Variants in BCAS3 observed in about 807,000 individuals in gnomAD.
The protein encoded by BCAS3 is BCAS3 microtubule associated cell migration factor.
BCAS3 carries 53 observed loss-of-function variants against 116.1 expected under a neutral mutation model. The ratio of observed to expected loss-of-function variants is 0.46; its 90% CI spans 0.37 to 0.57. The LOEUF (loss-of-function observed/expected upper bound fraction) is 0.57. Among genes scored for constraint, BCAS3 ranks in the 20% least tolerant of loss-of-function variants. The pLI is 0.00. For missense variants in BCAS3, 917 were observed against 1,165.4 expected, an observed-to-expected ratio of 0.79 and a Z score of 3.10; for synonymous variants, 391 against 408.2, an observed-to-expected ratio of 0.96 and a Z score of 0.51.
intron 22 of BCAS3, among the ~76,000 whole-genome samples, chr17:61,109,184 CA>C (rs4011679): frequency 0.02 from 1,144 of 57,470 alleles, 6 homozygotes; most frequent in Middle Eastern, 0.062. Flanking sequence ...GACTTTGTCT[CA>C]AAAAAAAAAA....
chr17:61,168,156 T>TC (rs2078628096), intron 22 of BCAS3, among the ~76,000 whole-genome samples: 1 of 152,200 alleles, frequency 6.6e-6, no homozygotes, highest in South Asian at 2.1e-4. Flanking sequence ...TTTTCTTTTT[T>TC]CCCATCTGTC....
At chr17:60,919,687 A>T (rs1322104090) in intron 12 of BCAS3, among the ~76,000 whole-genome samples, 1 of 139,432 alleles carries the variant, frequency 7.2e-6, no homozygotes. Flanking sequence ...TTTTTTTTTA[A>T]AATAATGACA....
rs1249409842 is a variant in BCAS3 at position 61,109,190 on chromosome 17, A to G, written c.2425+24626A>G. Among the ~76,000 whole-genome samples, 563 of 151,604 alleles carry G rather than the reference A, an allele frequency of 3.7e-3. 4 individuals are homozygous for G. The highest frequency in any genetic ancestry group is 0.013 in the African/African-American group (540 of 41,272). ...ACAGGGTGAGACTTTGTCTCAAAAAAAAAAAAAAAAAAAGAATAATAGTCC... is the reference window on the plus strand; with the variant it reads ...ACAGGGTGAGACTTTGTCTCAAAAAGAAAAAAAAAAAAAGAATAATAGTCC... On this transcript the variant is annotated intron_variant, in intron 22 of 23. Coordinates refer to ENST00000407086, the MANE Select transcript of BCAS3 (RefSeq NM_017679.5).
chr17:60,841,546 ATTTTTT>A (rs754447784), intron 7 of BCAS3, among the ~76,000 whole-genome samples: 3 of 123,468 alleles, frequency 2.4e-5, no homozygotes, highest in Admixed American at 1.6e-4. Flanking sequence ...CACCTGGCTA[ATTTTTT>A]TTTTTTTTTT....
intron 14 of BCAS3, among the ~76,000 whole-genome samples, chr17:60,983,204 C>T (rs1467728473): frequency 1.3e-5 from 2 of 152,000 alleles, no homozygotes; most frequent in African/African-American, 4.8e-5. Flanking sequence ...ATCAGTAATG[C>T]GACTCGACTC....
At chr17:61,078,275 G>C (rs1414037420) in intron 20 of BCAS3, 58 bp from the exon 21 acceptor site, 21 of 1,392,734 alleles carry the variant, frequency 1.5e-5, no homozygotes, top group Admixed American at 2.0e-5. Flanking sequence ...GGGGGATTGT[G>C]AAGTCTCTCA....
intron 22 of BCAS3, among the ~76,000 whole-genome samples, chr17:61,264,318 C>T (rs993362315): frequency 6.9e-6 from 1 of 145,770 alleles, no homozygotes; most frequent in Non-Finnish European, 1.5e-5. Context: ...TTCAAATGAA[C>T]AAAAAAGCAG....
chr17:61,002,387 T>A (rs1163823871), intron 15 of BCAS3, among the ~76,000 whole-genome samples: 1 of 152,132 alleles, frequency 6.6e-6, no homozygotes, highest in Non-Finnish European at 1.5e-5. Context: ...ATGTATTTTT[T>A]ACATGGGCAA....
chr17:61,041,494 G>A lies in BCAS3; in HGVS notation c.2029+602G>A, dbSNP rs1335912749. Among the ~76,000 whole-genome samples the A allele has an allele frequency of 2.7e-5, 4 of 150,044 alleles. No individual in the cohort carries two copies. Among genetic ancestry groups the A allele is most frequent in the African/African-American group, 7.3e-5 (3 of 41,266 alleles). ...ATTTAGTATTTATTATCCAGTTTGC[G>A]TTTATAGAATTAAAAATTATTTACA... On this transcript the variant is annotated intron_variant, in intron 19 of 23. Transcript: ENST00000407086. The surrounding 1 kb of genome is among the most constrained non-coding windows in gnomAD (Gnocchi z 4.7).
At chr17:60,809,494 G>GGGTT (rs755311925) in intron 7 of BCAS3, among the ~76,000 whole-genome samples, 17 of 152,228 alleles carry the variant, frequency 1.1e-4, no homozygotes, top group South Asian at 2.1e-4. Flanking sequence ...CCCTCTTCCA[G>GGGTT]GGTTGGTTGG....
intron 6 of BCAS3, among the ~76,000 whole-genome samples, chr17:60,806,020 G>A (rs965621819): frequency 4.0e-5 from 6 of 151,226 alleles, no homozygotes; most frequent in African/African-American, 9.7e-5. Context: ...CTCCATGCTC[G>A]CGCTAATTTT....
intron 6 of BCAS3, among the ~76,000 whole-genome samples, chr17:60,800,714 G>T (rs907323643): frequency 6.6e-6 from 1 of 152,012 alleles, no homozygotes; most frequent in African/African-American, 2.4e-5. Flanking sequence ...TCTGAAAGTT[G>T]TATAGTTTTA....
At chr17:61,293,535 T>C (rs1025479603) in intron 22 of BCAS3, among the ~76,000 whole-genome samples, 4 of 152,164 alleles carry the variant, frequency 2.6e-5, no homozygotes, top group African/African-American at 7.2e-5. Context: ...AGAAGTCCCG[T>C]AGAGGATAGC....
chr17:61,040,702 T>C (rs1339388092), intron 18 of BCAS3, 90 bp from the exon 19 acceptor site: 1 of 1,040,934 alleles, frequency 9.6e-7, no homozygotes, highest in Non-Finnish European at 1.5e-6. Context: ...AGTGTGAGTT[T>C]AAGTCACTGT....
intron 14 of BCAS3, among the ~76,000 whole-genome samples, chr17:60,972,625 TAA>T (rs1034677405): frequency 1.3e-5 from 2 of 151,990 alleles, no homozygotes; most frequent in Non-Finnish European, 2.9e-5. Flanking sequence ...CTAATTTTTA[TAA>T]AAATTTTTTA....
chr17:60,706,922 T>G (rs1405981510), intron 4 of BCAS3, among the ~76,000 whole-genome samples: 1 of 151,486 alleles, frequency 6.6e-6, no homozygotes, highest in African/African-American at 2.4e-5. Context: ...TCAAGCTATC[T>G]TCCCATTTCA....
rs2081267339 is a variant in BCAS3 at position 61,208,359 on chromosome 17, C to G, written c.2425+123795C>G. Among the ~76,000 whole-genome samples the G allele has an allele frequency of 6.6e-6, 1 of 152,128 alleles. No homozygotes were observed. The highest frequency in any genetic ancestry group is 2.1e-4 in the South Asian group (1 of 4,814). On this transcript the variant is annotated intron_variant, in intron 22 of 23. Transcript: ENST00000407086. The surrounding 1 kb of genome is among the most constrained non-coding windows in gnomAD (Gnocchi z 4.5). ...AAAGCCTTGCTAAGCTCTGACTCAG[C>G]CTGACTTTAAATCCATAGTTTCATT...
chr17:60,985,767 C>T (rs191503652), intron 14 of BCAS3, among the ~76,000 whole-genome samples: 5 of 152,104 alleles, frequency 3.3e-5, no homozygotes, highest in Admixed American at 2.0e-4. Flanking sequence ...GATGGAGTTT[C>T]GCTCTGTCGC....
rs368580583 is a variant in BCAS3 at position 61,316,103 on chromosome 17, G to A, written c.2426-52224G>A. ...GTGGATCACCTGAGGTCAGGAGTTC[G>A]AAACCAGCCTGGCCAACATGGCGAA... On this transcript the variant is annotated intron_variant, in intron 22 of 23. Coordinates refer to ENST00000407086, the MANE Select transcript of BCAS3 (RefSeq NM_017679.5). This position sits in a 1 kb window ranked among gnomAD's most constrained non-coding sequence, Gnocchi z 5.8. Among the ~76,000 whole-genome samples, 16 of 152,106 alleles carry A rather than the reference G, an allele frequency of 1.1e-4. No homozygotes were observed. Among genetic ancestry groups the A allele is most frequent in the Middle Eastern group, 6.8e-3 (2 of 294 alleles).
Sources: allele counts gnomAD v4.1 joint callset (sites outside exome capture counted in the v4.1 genomes callset), GRCh38; gene constraint gnomAD v4.1.1; non-coding constraint Gnocchi (gnomAD v3.1); transcripts MANE v1.5; gene names NCBI Gene and HGNC (gene_info 2026-07-23, HGNC 2026-07-21).